Variants in SYNE1 observed in about 807,000 individuals in gnomAD.
SYNE1 encodes the protein nesprin-1.
In SYNE1, 616 loss-of-function variants were observed where a neutral mutation model predicts 1,111.0. The observed-to-expected ratio is 0.55, with a 90% CI of 0.52 to 0.59. The LOEUF (loss-of-function observed/expected upper bound fraction) is 0.59, where lower values mean the gene tolerates loss of function less well. Among genes scored for constraint, SYNE1 ranks in the 20% least tolerant of loss-of-function variants. SYNE1 has a pLI of 0.00. For missense variants in SYNE1, 10,006 were observed against 10,417.0 expected (o/e 0.96, Z 1.72); for synonymous variants, 3,855 against 3,825.8 (o/e 1.01, Z -0.28).
chr6:152,152,418 CAT>C (rs1341596368), intron 133 of SYNE1, among the ~76,000 whole-genome samples: 3 of 152,154 alleles, frequency 2.0e-5, no homozygotes, highest in African/African-American at 7.2e-5. Flanking sequence ...GACACACACA[CAT>C]ACATACACAC....
chr6:152,149,659 G>T lies in SYNE1; in HGVS notation c.24460C>A (p.Gln8154Lys). ...AKIKQLKAFQ[Q>K]EISLNHNKIE... ...TTATTGTGGTTCAGTGAAATTTCCT[G>T]CTGGAAGGCCTAGGGAGTACAAATC... The change falls in exon 136 of 146, where the codon CAG becomes AAG. Residue 8154 changes from glutamine (Q) to lysine (K), a missense_variant. By Grantham distance (53) the Gln-to-Lys change is moderately conservative. Coordinates refer to ENST00000367255, the MANE Select transcript of SYNE1 (RefSeq NM_182961.4). 3.1e-6 allele frequency: 5 copies of T among 1,613,924 alleles called. No individual in the cohort carries two copies. Among genetic ancestry groups the T allele is most frequent in the Non-Finnish European group, 3.4e-6 (4 of 1,179,948 alleles).
At chr6:152,132,692 A>C (rs577354874) in intron 143 of SYNE1, among the ~76,000 whole-genome samples, 80 of 152,316 alleles carry the variant, frequency 5.3e-4, no homozygotes, top group Admixed American at 2.9e-3. Context: ...GTTCTTTTGC[A>C]TGCTTACAGC....
chr6:152,532,464 G>C lies in SYNE1; in HGVS notation c.130-6289C>G, dbSNP rs2099208336. 2.6e-5 allele frequency among the ~76,000 whole-genome samples: 4 copies of C among 152,128 alleles called. No homozygotes were observed. In the South Asian group the frequency reaches 8.3e-4, roughly 32 times the overall value. On this transcript the variant is annotated intron_variant, in intron 4 of 145. Coordinates refer to ENST00000367255, the MANE Select transcript of SYNE1 (RefSeq NM_182961.4). ...TATGGCTTAATATTTGTGATTGCTA[G>C]GTACCTAGTGATACCAATAAAACTG...
In SYNE1 at chr6:152,352,232, T is replaced by A. The variant is rs1590858391; in HGVS notation, c.11375A>T (p.Asp3792Val). 1.2e-6 allele frequency: 2 copies of A among 1,614,156 alleles called. No individual in the cohort carries two copies. The highest frequency in any genetic ancestry group is 4.5e-5 in the East Asian group (2 of 44,876). The change falls in exon 70 of 146, where the codon GAT becomes GTT. Residue 3792 changes from aspartate to valine, a missense_variant. Transcript: ENST00000367255. ...CAGTTCCTTCAACTGCTCCATGTGATCATGAATCTCCTTTCTTAACCTCTC... is the reference window on the plus strand; with the variant it reads ...CAGTTCCTTCAACTGCTCCATGTGAACATGAATCTCCTTTCTTAACCTCTC... ...EAERLRKEIHDHMEQLKELTS... is the reference protein window; with the variant it reads ...EAERLRKEIHVHMEQLKELTS...
chr6:152,435,220 AT>A (rs1185442629), intron 33 of SYNE1: 1 of 152,164 alleles, frequency 6.6e-6, no homozygotes, highest in African/African-American at 2.4e-5. Flanking sequence ...TAATAATAAT[AT>A]GCTATTATGT....
chr6:152,163,960 T>A (rs1586630131), intron 131 of SYNE1, among the ~76,000 whole-genome samples: 1 of 152,164 alleles, frequency 6.6e-6, no homozygotes. Flanking sequence ...GGCACAACCA[T>A]CTTTGTAAGG....
At chr6:152,394,504 G>C (rs967944788) in intron 51 of SYNE1, among the ~76,000 whole-genome samples, 1 of 152,038 alleles carries the variant, frequency 6.6e-6, no homozygotes, top group Non-Finnish European at 1.5e-5. Context: ...AAAATGCCAG[G>C]GGTGGAGCAC....
At chr6:152,367,485 G>T in intron 61 of SYNE1, 103 bp from the exon 62 acceptor site, 2 of 1,340,780 alleles carry the variant, frequency 1.5e-6, no homozygotes, top group Non-Finnish European at 2.1e-6. Flanking sequence ...GGCTTCATAC[G>T]CTGCACAGAT....
intron 61 of SYNE1, chr6:152,368,080 C>T (rs527619748): frequency 6.5e-6 from 1 of 154,044 alleles, no homozygotes; most frequent in Non-Finnish European, 1.4e-5. Context: ...ACTATTTACT[C>T]CCAGACCTAA....
intron 101 of SYNE1, among the ~76,000 whole-genome samples, chr6:152,260,312 C>T (rs904867743): frequency 6.6e-6 from 1 of 152,088 alleles, no homozygotes. Flanking sequence ...GTATCAGGAA[C>T]AAGGAATTTG....
chr6:152,321,086 G>T, intron 84 of SYNE1, 152 bp downstream of exon 84: 1 of 836,204 alleles, frequency 1.2e-6, no homozygotes, highest in Non-Finnish European at 1.8e-6. Context: ...CTATGAAAAA[G>T]ACTTCTAATT....
rs778929049 is a variant in SYNE1 at position 152,269,180 on chromosome 6, C to A, written c.18680G>T (p.Arg6227Leu). The change falls in exon 99 of 146, where the codon CGG (arginine) becomes CTG (leucine). Residue 6227 changes from arginine to leucine, a missense_variant. By Grantham distance (102) the Arg-to-Leu change is moderately radical. Around this residue, in one of 7 missense-constraint regions of SYNE1, gnomAD observed 2,182 missense variants for 2,287.8 expected, o/e 0.95. Transcript: ENST00000367255. ...AQARTTWTQQ[R>L]QSSLQQQKEL... ...TTTTTGTTGCTGGAGACTGCTCTGC[C>A]GCTGCTGGGTCCATGTGGTGCGAGC... is the stretch of plus-strand genomic sequence containing the variant. The A allele has an allele frequency of 1.9e-5, 30 of 1,614,048 alleles. No homozygotes were observed. In the East Asian group the frequency reaches 6.0e-4, roughly 32 times the overall value.
intron 4 of SYNE1, among the ~76,000 whole-genome samples, chr6:152,538,904 C>G (rs968982867): frequency 6.6e-6 from 1 of 152,160 alleles, no homozygotes; most frequent in African/African-American, 2.4e-5. Context: ...TTGCAAGCTT[C>G]TCGGGGCCTG....
intron 11 of SYNE1, among the ~76,000 whole-genome samples, chr6:152,495,537 A>G (rs907817429): frequency 5.3e-5 from 8 of 152,152 alleles, no homozygotes; most frequent in African/African-American, 1.9e-4. Flanking sequence ...CTCGTAAAGC[A>G]AACTTTTTCA....
At chr6:152,592,481 G>T (rs1284016679) in intron 3 of SYNE1, among the ~76,000 whole-genome samples, 1 of 152,116 alleles carries the variant, frequency 6.6e-6, no homozygotes, top group Non-Finnish European at 1.5e-5. Context: ...ACCAAATACT[G>T]CATGTTTTCA....
intron 85 of SYNE1, among the ~76,000 whole-genome samples, chr6:152,318,627 C>T (rs568784425): frequency 6.6e-6 from 1 of 152,300 alleles, no homozygotes; most frequent in African/African-American, 2.4e-5. Flanking sequence ...AGTCCTTTGA[C>T]GCTCTTCTTT....
rs1436148487 is a variant in SYNE1, at chr6:152,339,322, T to C, written c.12270A>G (p.Leu4090=). The change falls in exon 75 of 146, where the codon CTA becomes CTG. Residue 4090 remains leucine (L), a synonymous_variant. Transcript: ENST00000367255. The part of the protein sequence containing the change: ...RALQEQARTY[L]DLLCSMCDLS... ...GGTCACACATGGAGCAAAGGAGATC[T>C]AGGTAGGTCCTTGCCTGCTCTTGCA... is the stretch of plus-strand genomic sequence containing the variant. 3 of 1,614,080 alleles carry C rather than the reference T, an allele frequency of 1.9e-6. No individual in the cohort carries two copies. The highest frequency in any genetic ancestry group is 8.5e-7 in the Non-Finnish European group (1 of 1,179,930).
At chr6:152,404,406 T>C in intron 45 of SYNE1, 92 bp from the exon 46 acceptor site, 1 of 960,172 alleles carries the variant, frequency 1.0e-6, no homozygotes, top group Non-Finnish European at 1.7e-6. Context: ...TTTGTCGAAA[T>C]ACCCCAACTT....
At chr6:152,211,252 G>A (rs908956661) in intron 124 of SYNE1, among the ~76,000 whole-genome samples, 2 of 152,150 alleles carry the variant, frequency 1.3e-5, no homozygotes, top group Admixed American at 6.5e-5. Context: ...GACTAGTGAA[G>A]GTTGGCTAGG....
Sources: allele counts gnomAD v4.1 joint callset (sites outside exome capture counted in the v4.1 genomes callset), GRCh38; gene constraint gnomAD v4.1.1; regional missense constraint gnomAD v4.1.1; transcripts MANE v1.5; gene names NCBI Gene and HGNC (gene_info 2026-07-23, HGNC 2026-07-21).